Variants in RPS6KA2 observed in about 807,000 individuals in gnomAD.
RPS6KA2 encodes ribosomal protein S6 kinase A2.
RPS6KA2 carries 42 observed loss-of-function variants against 91.8 expected under a neutral mutation model. The observed-to-expected ratio is 0.46, with a 90% CI of 0.36 to 0.59. RPS6KA2 has a LOEUF of 0.59. Among genes scored for constraint, RPS6KA2 ranks in the 20% least tolerant of loss-of-function variants. The pLI is 0.00. For missense variants in RPS6KA2, 798 were observed against 978.5 expected, an observed-to-expected ratio of 0.82 and a Z score of 2.46; for synonymous variants, 414 against 393.6, an observed-to-expected ratio of 1.05 and a Z score of -0.61.
chr6:166,549,613 A>G (rs1358172760), intron 1 of RPS6KA2, among the ~76,000 whole-genome samples: 1 of 152,136 alleles, frequency 6.6e-6, no homozygotes, highest in East Asian at 1.9e-4. Flanking sequence ...TATAGAGGTG[A>G]ACAGTTTAGT....
intron 2 of RPS6KA2, among the ~76,000 whole-genome samples, chr6:166,827,481 G>A (rs34706107): frequency 0.14 from 20,556 of 152,066 alleles, 1,760 homozygotes; most frequent in Middle Eastern, 0.19. Context: ...TTTATCTCCT[G>A]AATATATACA....
rs1018332013 is a variant in RPS6KA2 at position 166,411,170 on chromosome 6, A to G, written c.*1592T>C. ...TATATTTTAAGGTCTGAAAACAATC[A>G]GACCAAGCTAAGGAGTTATTTTTCA... On this transcript the variant is annotated 3_prime_UTR_variant, in exon 21 of 21. Transcript: ENST00000265678. This position sits in a 1 kb window ranked among gnomAD's most constrained non-coding sequence, Gnocchi z 4.5. The G allele has an allele frequency of 4.6e-5, 7 of 152,128 alleles. No homozygotes were observed. The highest frequency in any genetic ancestry group is 2.0e-4 in the Admixed American group (3 of 15,280). 9.4% of individuals were successfully genotyped at this position (152,128 alleles called of 1,614,324 possible).
At chr6:166,859,708 A>G (rs1218375004) in intron 1 of RPS6KA2, among the ~76,000 whole-genome samples, 1 of 152,222 alleles carries the variant, frequency 6.6e-6, no homozygotes, top group Non-Finnish European at 1.5e-5. Context: ...CCTCAGACCC[A>G]GTTCAGTTCG....
chr6:166,659,663 G>A (rs1788102677), intron 2 of RPS6KA2, among the ~76,000 whole-genome samples: 1 of 152,242 alleles, frequency 6.6e-6, no homozygotes, highest in Non-Finnish European at 1.5e-5. Context: ...CAGAGCTGGG[G>A]GAGTCTGTAG....
At chr6:166,633,587 C>T (rs1787147425) in intron 2 of RPS6KA2, among the ~76,000 whole-genome samples, 3 of 152,318 alleles carry the variant, frequency 2.0e-5, no homozygotes, top group Admixed American at 6.5e-5. Context: ...TCGTTATTCA[C>T]TCGGTTAATC....
intron 2 of RPS6KA2, among the ~76,000 whole-genome samples, chr6:166,647,764 G>A (rs978639771): frequency 6.0e-5 from 9 of 149,900 alleles, no homozygotes; most frequent in Admixed American, 5.3e-4. Context: ...ACACACACAC[G>A]CACATGCTCA....
At chr6:166,659,038 C>T (rs1053489150) in intron 2 of RPS6KA2, among the ~76,000 whole-genome samples, 3 of 151,866 alleles carry the variant, frequency 2.0e-5, no homozygotes, top group African/African-American at 7.3e-5. Flanking sequence ...CCCAGTGACC[C>T]TTGGGAGGTA....
rs57910374 is a variant in RPS6KA2, at chr6:166,423,054, A to AATG, written c.1743+199_1743+201dup. On this transcript the variant is annotated intron_variant, in intron 17 of 20. Coordinates refer to ENST00000265678, the MANE Select transcript of RPS6KA2 (RefSeq NM_021135.6). The surrounding 1 kb of genome is among the most constrained non-coding windows in gnomAD (Gnocchi z 4.8). Reference sequence around the variant, plus strand: ...AAGTTTTTTCAAATGGGAAAATGAGAATGATAAGAACAACTACGTTTAAGC... The same window carrying AATG: ...AAGTTTTTTCAAATGGGAAAATGAGAATGATGATAAGAACAACTACGTTTAAGC... 9.3e-3 allele frequency among the ~76,000 whole-genome samples: 1,420 copies of AATG among 152,334 alleles called. 25 individuals carry two copies. Among genetic ancestry groups the AATG allele is most frequent in the African/African-American group, 0.031 (1,300 of 41,574 alleles).
chr6:166,824,793 G>GTC (rs2128624453), intron 2 of RPS6KA2, among the ~76,000 whole-genome samples: 1 of 149,442 alleles, frequency 6.7e-6, no homozygotes, highest in Admixed American at 6.7e-5. Context: ...GTCTGTGTGT[G>GTC]TGTCTGTGTG....
At chr6:166,681,079 C>T (rs1481590878) in intron 2 of RPS6KA2, among the ~76,000 whole-genome samples, 3 of 152,132 alleles carry the variant, frequency 2.0e-5, no homozygotes, top group Non-Finnish European at 4.4e-5. Context: ...TAGTGAAGCA[C>T]AGAAAGCAGG....
At chr6:166,562,683 C>A (rs904285028) in intron 1 of RPS6KA2, among the ~76,000 whole-genome samples, 8 of 152,190 alleles carry the variant, frequency 5.3e-5, no homozygotes, top group Non-Finnish European at 7.3e-5. Flanking sequence ...AAAGACAAAC[C>A]CGTTACCCAT....
At position 166,648,361 on chromosome 6, in the gene RPS6KA2, A is replaced by T. The variant is rs1787740054; in HGVS notation, c.124-109577T>A. ...CGCTTCTCCTCACTCCCTGATTTTT[A>T]TGCTGTTTTTCTGAGGGCCTGGAGA... On this transcript the variant is annotated intron_variant, in intron 2 of 21. Coordinates refer to the RPS6KA2 transcript ENST00000503859. This position sits in a 1 kb window ranked among gnomAD's most constrained non-coding sequence, Gnocchi z 4.8. Among the ~76,000 whole-genome samples the T allele has an allele frequency of 6.6e-6, 1 of 152,108 alleles. No homozygotes were observed. The highest frequency in any genetic ancestry group is 2.4e-5 in the African/African-American group (1 of 41,414).
intron 2 of RPS6KA2, among the ~76,000 whole-genome samples, chr6:166,801,029 C>G (rs970810628): frequency 6.6e-6 from 1 of 152,160 alleles, no homozygotes; most frequent in African/African-American, 2.4e-5. Context: ...CTGAGAAATT[C>G]TCTAGGCGGT....
At chr6:166,548,550 C>A (rs957516592) in intron 1 of RPS6KA2, among the ~76,000 whole-genome samples, 1 of 152,142 alleles carries the variant, frequency 6.6e-6, no homozygotes, top group Non-Finnish European at 1.5e-5. Context: ...TTCAAATACA[C>A]CCAGCTGCTT....
intron 3 of RPS6KA2, among the ~76,000 whole-genome samples, chr6:166,512,428 C>T (rs1013928581): frequency 6.6e-6 from 1 of 152,168 alleles, no homozygotes; most frequent in South Asian, 2.1e-4. Flanking sequence ...TGTTCACTTA[C>T]AAATGGTTAA....
At chr6:166,430,264 G>A (rs112503298) in intron 16 of RPS6KA2, among the ~76,000 whole-genome samples, 189 bp downstream of exon 16, 14 of 152,076 alleles carry the variant, frequency 9.2e-5, no homozygotes, top group Non-Finnish European at 5.9e-5. Flanking sequence ...CACTGCACCC[G>A]GCTGGGAAGA....
At chr6:166,803,859 T>C (rs920771271) in intron 2 of RPS6KA2, among the ~76,000 whole-genome samples, 6 of 152,252 alleles carry the variant, frequency 3.9e-5, no homozygotes, top group Non-Finnish European at 5.9e-5. Context: ...GGAAATCCCC[T>C]TGGGGATAAG....
intron 14 of RPS6KA2, among the ~76,000 whole-genome samples, chr6:166,444,065 C>A (rs1368732778): frequency 1.3e-5 from 2 of 152,264 alleles, no homozygotes; most frequent in East Asian, 3.9e-4. Context: ...TTATACAAAT[C>A]AGCACTATCT....
chr6:166,444,637 G>A (rs569120130), intron 14 of RPS6KA2, among the ~76,000 whole-genome samples: 1 of 152,324 alleles, frequency 6.6e-6, no homozygotes, highest in African/African-American at 2.4e-5. Context: ...GTGCGCGTGA[G>A]AAGGAAGAGG....
Sources: allele counts gnomAD v4.1 joint callset (sites outside exome capture counted in the v4.1 genomes callset), GRCh38; gene constraint gnomAD v4.1.1; non-coding constraint Gnocchi (gnomAD v3.1); transcripts MANE v1.5; gene names NCBI Gene and HGNC (gene_info 2026-07-23, HGNC 2026-07-21).